MAP3K3: variants seen among roughly 807,000 people sequenced by gnomAD.
The protein encoded by MAP3K3 is mitogen-activated protein kinase kinase kinase 3, also known as MAP/ERK kinase kinase 3.
Under a neutral mutation model 80.9 loss-of-function variants are expected in MAP3K3, and 12 were observed. The ratio of observed to expected loss-of-function variants is 0.15; its 90% CI spans 0.10 to 0.24. MAP3K3 has a LOEUF of 0.24. MAP3K3 is among the 10% of genes least tolerant of loss of function. The pLI, the probability that MAP3K3 is intolerant of heterozygous loss-of-function variation, is 1.00. For synonymous variants in MAP3K3, 272 were observed against 307.1 expected, an observed-to-expected ratio of 0.89 and a Z score of 1.19; for missense variants, 596 against 834.7, an observed-to-expected ratio of 0.71 and a Z score of 3.52.
chr17:63,637,751 C>T (rs1290366422), intron 2 of MAP3K3, among the ~76,000 whole-genome samples: 3 of 152,016 alleles, frequency 2.0e-5, no homozygotes, highest in African/African-American at 7.3e-5. Flanking sequence ...TCTGAAAATC[C>T]CAGTGGAGGA....
chr17:63,682,197 C>A (rs1444763839), intron 7 of MAP3K3: 3 of 240,892 alleles, frequency 1.2e-5, no homozygotes, highest in Non-Finnish European at 1.6e-5. Context: ...GGCACCACCA[C>A]GCCCAGCTCA....
chr17:63,631,344 T>C (rs757364517), intron 1 of MAP3K3, among the ~76,000 whole-genome samples: 1 of 152,194 alleles, frequency 6.6e-6, no homozygotes, highest in Non-Finnish European at 1.5e-5. Context: ...GCAGTTTTAC[T>C]TCCTACATTT....
chr17:63,628,658 C>T (rs1239473724), intron 1 of MAP3K3, among the ~76,000 whole-genome samples: 7 of 152,140 alleles, frequency 4.6e-5, no homozygotes, highest in Non-Finnish European at 1.0e-4. Flanking sequence ...CTGGGCCCTG[C>T]CAATTCTATC....
At chr17:63,660,588 T>G (rs1025555257) in intron 5 of MAP3K3, among the ~76,000 whole-genome samples, 1 of 150,688 alleles carries the variant, frequency 6.6e-6, no homozygotes, top group Non-Finnish European at 1.5e-5. Flanking sequence ...TTCTTCTTCT[T>G]CTTTTCTTTT....
chr17:63,690,242 CT>C (rs1568155467), intron 11 of MAP3K3, 21 bp from the exon 12 acceptor site: 1 of 1,608,418 alleles, frequency 6.2e-7, no homozygotes, highest in African/African-American at 1.3e-5. Flanking sequence ...CAAAGTAACT[CT>C]TTCCTTCTGC....
At chr17:63,648,331 G>A (rs2034580406) in intron 3 of MAP3K3, among the ~76,000 whole-genome samples, 1 of 152,096 alleles carries the variant, frequency 6.6e-6, no homozygotes, top group Non-Finnish European at 1.5e-5. Context: ...GTGGACTTCT[G>A]GTATTTTATC....
chr17:63,674,577 G>T (rs1316557729), intron 6 of MAP3K3, among the ~76,000 whole-genome samples: 1 of 152,010 alleles, frequency 6.6e-6, no homozygotes, highest in Non-Finnish European at 1.5e-5. Flanking sequence ...TTGAATTCCT[G>T]GTCTCAAGCA....
intron 5 of MAP3K3, among the ~76,000 whole-genome samples, chr17:63,663,416 T>A (rs1220828145): frequency 6.6e-6 from 1 of 151,360 alleles, no homozygotes; most frequent in Non-Finnish European, 1.5e-5. Context: ...GCAGGAGAAT[T>A]GCTTGAACCT....
chr17:63,662,857 G>A (rs549675173), intron 5 of MAP3K3, among the ~76,000 whole-genome samples: 3 of 143,524 alleles, frequency 2.1e-5, no homozygotes, highest in African/African-American at 5.3e-5. Context: ...GGGGTTGGGC[G>A]GGGGGCGGTC....
intron 3 of MAP3K3, among the ~76,000 whole-genome samples, 182 bp from the exon 4 acceptor site, chr17:63,652,375 C>T (rs2034673889): frequency 6.6e-6 from 1 of 151,926 alleles, no homozygotes; most frequent in Admixed American, 6.6e-5. Flanking sequence ...GATAGATGCT[C>T]AGAGGGTGAA....
chr17:63,659,173 G>A (rs2034833931), intron 5 of MAP3K3, among the ~76,000 whole-genome samples: 1 of 152,178 alleles, frequency 6.6e-6, no homozygotes, highest in African/African-American at 2.4e-5. Context: ...CACCCAGCCT[G>A]TGGTGAACAT....
At chr17:63,628,468 C>T (rs532248833) in intron 1 of MAP3K3, among the ~76,000 whole-genome samples, 1 of 150,300 alleles carries the variant, frequency 6.7e-6, no homozygotes, top group East Asian at 2.0e-4. Flanking sequence ...TGAAGCAGTT[C>T]TCCTGCCTCA....
rs1055163108 is a variant in MAP3K3, at chr17:63,694,838, C to T, written c.*1061C>T. 1 of 153,092 alleles carries T rather than the reference C, an allele frequency of 6.5e-6. No individual in the cohort carries two copies. Among genetic ancestry groups the T allele is most frequent in the Non-Finnish European group, 1.5e-5 (1 of 68,506 alleles). The allele number at this position is 153,092 out of a possible 1,614,324, so 9.5% of individuals were successfully genotyped here. ...TACCACCAGCTGTGTCCAAAACCGCCAGCTCTGTTCTTCCTCAGCCAGCCT... is the reference window on the plus strand; with the variant it reads ...TACCACCAGCTGTGTCCAAAACCGCTAGCTCTGTTCTTCCTCAGCCAGCCT... On this transcript the variant is annotated 3_prime_UTR_variant, in exon 16 of 16. Coordinates refer to ENST00000361733, the MANE Select transcript of MAP3K3 (RefSeq NM_002401.5).
In MAP3K3 at chr17:63,656,378, A is replaced by T. The variant is rs370846676; in HGVS notation, c.268-1416A>T. The stretch of plus-strand genomic sequence containing the variant: ...ACCAGTTTGGTAGGCTGAGGTGGGC[A>T]GATTACTTGAGGTCAGGAGTTCAAG... On this transcript the variant is annotated intron_variant, in intron 4 of 15. Coordinates refer to ENST00000361733, the MANE Select transcript of MAP3K3 (RefSeq NM_002401.5). 1.2e-4 allele frequency among the ~76,000 whole-genome samples: 18 copies of T among 152,088 alleles called. No individual in the cohort carries two copies. The East Asian group carries it at 3.5e-3, about 29-fold the overall frequency.
intron 8 of MAP3K3, among the ~76,000 whole-genome samples, chr17:63,687,879 G>A (rs190674692): frequency 5.9e-5 from 9 of 151,836 alleles, no homozygotes; most frequent in African/African-American, 2.2e-4. Context: ...TAGAGGTTGC[G>A]GTGAGCTGAG....
intron 6 of MAP3K3, among the ~76,000 whole-genome samples, chr17:63,670,412 G>A (rs1396133093): frequency 2.0e-5 from 3 of 151,680 alleles, no homozygotes; most frequent in Admixed American, 6.6e-5. Flanking sequence ...GTAAAACCCC[G>A]TCACTAATAA....
intron 5 of MAP3K3, among the ~76,000 whole-genome samples, chr17:63,663,852 A>C (rs973165311): frequency 6.6e-6 from 1 of 152,044 alleles, no homozygotes; most frequent in South Asian, 2.1e-4. Context: ...TGATTGCACC[A>C]CTGCACTCAT....
rs147735371 is a variant in MAP3K3, at chr17:63,629,792, G to C, written c.5-2889G>C. Among the ~76,000 whole-genome samples, 469 of 152,302 alleles carry C rather than the reference G, an allele frequency of 3.1e-3. 2 individuals are homozygous for C. Among genetic ancestry groups the C allele is most frequent in the African/African-American group, 0.011 (446 of 41,558 alleles). ...CAGTGCCAAACTTTTCCACTAGTGT[G>C]TTCTCAGCTCTGGAACTACTAAACA... On this transcript the variant is annotated intron_variant, in intron 1 of 15. Coordinates refer to ENST00000361733, the MANE Select transcript of MAP3K3 (RefSeq NM_002401.5).
chr17:63,641,242 C>CTT (rs1220305485), intron 2 of MAP3K3, among the ~76,000 whole-genome samples: 8 of 143,096 alleles, frequency 5.6e-5, no homozygotes, highest in African/African-American at 7.7e-5. Context: ...AGTGCCATTA[C>CTT]TTTTTTTTTT....
Sources: allele counts gnomAD v4.1 joint callset (sites outside exome capture counted in the v4.1 genomes callset), GRCh38; gene constraint gnomAD v4.1.1; transcripts MANE v1.5; gene names NCBI Gene and HGNC (gene_info 2026-07-23, HGNC 2026-07-21).